CORO2A: variants seen among roughly 807,000 people sequenced by gnomAD.
CORO2A encodes the protein coronin-2A.
A neutral mutation model predicts 62.4 loss-of-function variants in CORO2A; 47 were observed. The observed-to-expected ratio is 0.75, with a 90% confidence interval of 0.60 to 0.96. The LOEUF is 0.96. Ranked by LOEUF, CORO2A falls within the 40% of genes least tolerant of loss-of-function variation. The pLI is 0.00. For synonymous variants in CORO2A, 273 were observed against 268.9 expected, an observed-to-expected ratio of 1.02 and a Z score of -0.15; for missense variants, 610 against 684.1, an observed-to-expected ratio of 0.89 and a Z score of 1.21.
At chr9:98,141,585 C>G (rs960600409) in intron 2 of CORO2A, among the ~76,000 whole-genome samples, 1 of 152,142 alleles carries the variant, frequency 6.6e-6, no homozygotes, top group Non-Finnish European at 1.5e-5. Flanking sequence ...AACTCCTGAC[C>G]TCAGGTGATC....
chr9:98,182,470 C>A (rs979147096), intron 1 of CORO2A, among the ~76,000 whole-genome samples: 4 of 152,176 alleles, frequency 2.6e-5, no homozygotes, highest in African/African-American at 7.2e-5. Flanking sequence ...ACACTCCCCA[C>A]CCCCATTACT....
Position 98,132,217 on chromosome 9 carries a change from A to G in CORO2A, c.733T>C (p.Trp245Arg). 2 of 1,614,184 alleles carry G rather than the reference A, an allele frequency of 1.2e-6. No individual in the cohort carries two copies. The highest frequency in any genetic ancestry group is 1.1e-5 in the South Asian group (1 of 91,082). Reference protein sequence around the residue: ...KKLMSTGTSRWNNRQVALWDQ... With the variant: ...KKLMSTGTSRRNNRQVALWDQ... ...CACAAGGCCACCTGCCGGTTGTTCC[A>G]TCGGGATGTGCCTGTGGACATCAGC... The change falls in exon 6 of 12, where the codon TGG (tryptophan) becomes CGG (arginine). Residue 245 changes from tryptophan to arginine, a missense_variant. Transcript: ENST00000375077.
chr9:98,149,483 A>G (rs1220990883), intron 2 of CORO2A, among the ~76,000 whole-genome samples: 2 of 152,252 alleles, frequency 1.3e-5, no homozygotes, highest in Non-Finnish European at 2.9e-5. Context: ...TTTGGCTCAC[A>G]GTTCTGCAGG....
intron 8 of CORO2A, 27 bp from the exon 9 acceptor site, chr9:98,128,746 G>C: frequency 6.3e-7 from 1 of 1,599,172 alleles, no homozygotes; most frequent in Middle Eastern, 1.7e-4. Flanking sequence ...AGGGCCAAGA[G>C]GTTCTGGCTA....
intron 1 of CORO2A, among the ~76,000 whole-genome samples, chr9:98,170,389 C>T (rs1828017874): frequency 1.3e-5 from 2 of 152,252 alleles, no homozygotes; most frequent in South Asian, 4.1e-4. Flanking sequence ...AGGGGCTGGG[C>T]CCATCACTGT....
intron 1 of CORO2A, among the ~76,000 whole-genome samples, chr9:98,162,327 C>T (rs1827897219): frequency 6.6e-6 from 1 of 152,212 alleles, no homozygotes; most frequent in Non-Finnish European, 1.5e-5. Context: ...ATCACTTCCA[C>T]TCTACAGAGA....
chr9:98,121,296 T>C lies in CORO2A; in HGVS notation c.*3478A>G, dbSNP rs974402996. The C allele has an allele frequency of 1.4e-4, 21 of 152,184 alleles. No homozygotes were observed. The highest frequency in any genetic ancestry group is 1.4e-3 in the Admixed American group (21 of 15,276). 9.4% of individuals were successfully genotyped at this position (152,184 alleles called of 1,614,324 possible). Reference sequence around the variant, plus strand: ...TCCTCATTCTCAGAAAGTTCCTGAGTCAACAGAAAGGGGACGCCCAGGGTA... The same window carrying C: ...TCCTCATTCTCAGAAAGTTCCTGAGCCAACAGAAAGGGGACGCCCAGGGTA... On this transcript the variant is annotated 3_prime_UTR_variant, in exon 12 of 12. Transcript: ENST00000375077.
At chr9:98,168,398 G>C (rs4743178) in intron 1 of CORO2A, among the ~76,000 whole-genome samples, 71,152 of 151,680 alleles carry the variant, frequency 0.47, 16,819 homozygotes, top group African/African-American at 0.52. Flanking sequence ...CTATATTACT[G>C]ACTAGGTGTT....
At chr9:98,129,953 C>T in intron 7 of CORO2A, 63 bp from the exon 8 acceptor site, 1 of 1,297,434 alleles carries the variant, frequency 7.7e-7, no homozygotes, top group Admixed American at 1.7e-5. Flanking sequence ...AGCTCATCAG[C>T]AACCCAGCCA....
intron 1 of CORO2A, among the ~76,000 whole-genome samples, chr9:98,165,849 C>T (rs774007218): frequency 6.6e-6 from 1 of 152,220 alleles, no homozygotes; most frequent in Non-Finnish European, 1.5e-5. Flanking sequence ...CTCAAGCCTC[C>T]TTCCCCAGAC....
intron 1 of CORO2A, among the ~76,000 whole-genome samples, chr9:98,187,905 G>A (rs965132239): frequency 6.6e-6 from 1 of 152,204 alleles, no homozygotes; most frequent in African/African-American, 2.4e-5. Flanking sequence ...GATTCTCCAT[G>A]AGACACAGTT....
intron 1 of CORO2A, 118 bp from the exon 2 acceptor site, chr9:98,157,778 G>T: frequency 1.1e-6 from 1 of 902,248 alleles, no homozygotes; most frequent in Non-Finnish European, 1.7e-6. Context: ...TCAGTTCAAC[G>T]TGGACGGTGA....
At chr9:98,139,473 C>T (rs962651212) in intron 2 of CORO2A, among the ~76,000 whole-genome samples, 8 of 151,942 alleles carry the variant, frequency 5.3e-5, no homozygotes, top group Non-Finnish European at 8.8e-5. Flanking sequence ...ACTAAAAATA[C>T]AAAATTAGCC....
chr9:98,147,093 C>G (rs750909089), intron 2 of CORO2A, among the ~76,000 whole-genome samples: 2 of 152,006 alleles, frequency 1.3e-5, no homozygotes, highest in South Asian at 4.2e-4. Flanking sequence ...ATAGTGAGAC[C>G]CCATCTCTAC....
Position 98,137,800 on chromosome 9 carries a change from T to C in CORO2A, c.202-112A>G, listed in dbSNP as rs1359513113. 3 of 811,488 alleles carry C rather than the reference T, an allele frequency of 3.7e-6. No homozygotes were observed. In the East Asian group the frequency reaches 7.4e-5, roughly 20 times the overall value. 50.3% of individuals were successfully genotyped at this position (811,488 alleles called of 1,614,324 possible). A position where few individuals can be genotyped will look rare whatever the true frequency, so the allele number is the denominator to read the frequency against. ...AACAGGAAAACATAAGGGACAGAGCTGGGTGTGAATCTAGGCCTTACTTCT... is the reference window on the plus strand; with the variant it reads ...AACAGGAAAACATAAGGGACAGAGCCGGGTGTGAATCTAGGCCTTACTTCT... On this transcript the variant is annotated intron_variant, in intron 2 of 11. Transcript: ENST00000375077.
intron 1 of CORO2A, among the ~76,000 whole-genome samples, chr9:98,175,077 C>A (rs112313589): frequency 1.3e-5 from 2 of 152,288 alleles, no homozygotes; most frequent in African/African-American, 2.4e-5. Flanking sequence ...TTCCACAGAG[C>A]TCCTATTCTT....
intron 3 of CORO2A, 131 bp from the exon 4 acceptor site, chr9:98,135,086 A>AGTGGGAG: frequency 8.3e-7 from 1 of 1,200,836 alleles, no homozygotes; most frequent in Non-Finnish European, 1.1e-6. Flanking sequence ...CCTCCCACTC[A>AGTGGGAG]GTGGCTATGG....
At chr9:98,140,662 C>T (rs909692803) in intron 2 of CORO2A, among the ~76,000 whole-genome samples, 1 of 152,156 alleles carries the variant, frequency 6.6e-6, no homozygotes, top group Non-Finnish European at 1.5e-5. Flanking sequence ...CCAGGCTGGT[C>T]TTGAACTCCT....
intron 1 of CORO2A, among the ~76,000 whole-genome samples, chr9:98,161,270 G>A (rs1314756591): frequency 6.6e-6 from 1 of 152,070 alleles, no homozygotes; most frequent in Non-Finnish European, 1.5e-5. Context: ...AAGGAGGGGA[G>A]AAGCTGGGCA....
Sources: allele counts gnomAD v4.1 joint callset (sites outside exome capture counted in the v4.1 genomes callset), GRCh38; gene constraint gnomAD v4.1.1; transcripts MANE v1.5; gene names NCBI Gene and HGNC (gene_info 2026-07-23, HGNC 2026-07-21).